GIGYF2: variants seen among roughly 807,000 people sequenced by gnomAD.
The protein encoded by GIGYF2 is GRB10 interacting GYF protein 2, also known as GRB10-interacting GYF protein 2.
GIGYF2 carries 25 observed loss-of-function variants against 208.1 expected under a neutral mutation model. That is an observed-to-expected ratio of 0.12 (90% CI 0.09 to 0.17). The LOEUF (loss-of-function observed/expected upper bound fraction) is 0.17. GIGYF2 is among the 10% of genes least tolerant of loss of function. The pLI is 1.00. For synonymous variants in GIGYF2, 534 were observed against 543.8 expected (o/e 0.98, Z 0.25); for missense variants, 1,302 against 1,579.4 (o/e 0.82, Z 2.98).
intron 2 of GIGYF2, among the ~76,000 whole-genome samples, chr2:232,734,657 G>T (rs1002617537): frequency 6.6e-6 from 1 of 152,140 alleles, no homozygotes; most frequent in Non-Finnish European, 1.5e-5. Flanking sequence ...AATCACTAGG[G>T]TGTAAAGTGC....
At chr2:232,838,609 C>T (rs931802956) in intron 22 of GIGYF2, among the ~76,000 whole-genome samples, 2 of 152,172 alleles carry the variant, frequency 1.3e-5, no homozygotes, top group Admixed American at 1.3e-4. Flanking sequence ...TTCTGATCTT[C>T]TGATTGATTA....
At chr2:232,756,199 T>C (rs760910857) in intron 5 of GIGYF2, 24 bp from the exon 6 acceptor site, 557 of 492,674 alleles carry the variant, frequency 1.1e-3, no homozygotes, top group East Asian at 2.8e-3. Context: ...CTTTTTCTCT[T>C]TTTTTTTTTT....
intron 2 of GIGYF2, among the ~76,000 whole-genome samples, chr2:232,714,376 A>G (rs573051345): frequency 2.0e-5 from 3 of 152,268 alleles, no homozygotes; most frequent in African/African-American, 7.2e-5. Context: ...AGTTTTAGCT[A>G]AAACTTTAAC....
At chr2:232,778,181 T>C (rs1699591751) in intron 8 of GIGYF2, among the ~76,000 whole-genome samples, 1 of 152,066 alleles carries the variant, frequency 6.6e-6, no homozygotes, top group Non-Finnish European at 1.5e-5. Context: ...AGCTGTCCTC[T>C]CAATTCAGCC....
intron 2 of GIGYF2, among the ~76,000 whole-genome samples, chr2:232,716,374 GTTTTTTT>G (rs397988241): frequency 3.0e-5 from 3 of 100,262 alleles, no homozygotes; most frequent in East Asian, 2.9e-4. Flanking sequence ...GGTGTTATTT[GTTTTTTT>G]TTTTTTTTTT....
At chr2:232,737,907 CTTTTTTTT>C (rs11320395) in intron 3 of GIGYF2, among the ~76,000 whole-genome samples, 1 of 85,218 alleles carries the variant, frequency 1.2e-5, no homozygotes, top group Non-Finnish European at 2.2e-5. Flanking sequence ...TAAGCTTTAA[CTTTTTTTT>C]TTTTTTTTTT....
In GIGYF2 at chr2:232,748,968, C is replaced by T; in HGVS notation, c.172-19C>T. 1.8e-6 allele frequency: 2 copies of T among 1,106,064 alleles called. No individual in the cohort carries two copies. The highest frequency in any genetic ancestry group is 2.5e-5 in the South Asian group (2 of 80,724). 68.5% of individuals were successfully genotyped at this position (1,106,064 alleles called of 1,614,324 possible). On this transcript the variant is annotated intron_variant, in intron 4 of 28. Transcript: ENST00000373563. ...GCAGAAATAGCATTAATCTCATAAT[C>T]ATGTGTTTGGTCCTACAGATACCTT... is the stretch of plus-strand genomic sequence containing the variant.
At chr2:232,771,251 G>C (rs776091698) in intron 8 of GIGYF2, 10 of 1,609,226 alleles carry the variant, frequency 6.2e-6, no homozygotes, top group Non-Finnish European at 8.5e-6. Context: ...AGATATGCAA[G>C]ACCTCTTTGA....
At chr2:232,762,502 C>T (rs1017160250) in intron 8 of GIGYF2, among the ~76,000 whole-genome samples, 7 of 152,062 alleles carry the variant, frequency 4.6e-5, no homozygotes, top group Non-Finnish European at 7.4e-5. Context: ...CCACCCGCCT[C>T]AGCCTCCCAA....
Position 232,847,493 on chromosome 2 carries a change from G to T in GIGYF2, c.3606G>T (p.Gln1202His). Residue 1202 changes from glutamine (Q) to histidine (H), a missense_variant, in exon 27 of 29, where the codon CAG (glutamine) becomes CAT (histidine). Gln to His is a conservative substitution (Grantham distance 24, BLOSUM62 0). Coordinates refer to ENST00000373563, the MANE Select transcript of GIGYF2 (RefSeq NM_001103146.3). ...GCCGTGCCAAACAGAAAGCCAACCA[G>T]CAGCGTCAGCAGCAGCAGCTGCCAC... The part of the protein sequence containing the change: ...LERRAKQKAN[Q>H]QRQQQQLPQQ... 6.3e-7 allele frequency: 1 copy of T among 1,596,488 alleles called. No individual in the cohort carries two copies. The highest frequency in any genetic ancestry group is 1.4e-5 in the African/African-American group (1 of 70,374).
At chr2:232,851,148 A>G (rs1690301860) in intron 28 of GIGYF2, among the ~76,000 whole-genome samples, 1 of 152,112 alleles carries the variant, frequency 6.6e-6, no homozygotes, top group East Asian at 1.9e-4. Flanking sequence ...TAGCGAGACC[A>G]TATCTCTAAA....
intron 1 of GIGYF2, chr2:232,700,557 A>T (rs557543523): frequency 5.3e-4 from 81 of 152,242 alleles, no homozygotes; most frequent in African/African-American, 1.9e-3. Flanking sequence ...AATTTCCCAT[A>T]CTTTCTGTTT....
rs1266657997 is a variant in GIGYF2 at position 232,857,113 on chromosome 2, C to G, written c.*253C>G. 2 of 559,512 alleles carry G rather than the reference C, an allele frequency of 3.6e-6. No individual in the cohort carries two copies. Among genetic ancestry groups the G allele is most frequent in the Non-Finnish European group, 6.4e-6 (2 of 311,504 alleles). 34.7% of individuals were successfully genotyped at this position (559,512 alleles called of 1,614,324 possible). A position where few individuals can be genotyped will look rare whatever the true frequency, so the allele number is the denominator to read the frequency against. On this transcript the variant is annotated 3_prime_UTR_variant, in exon 29 of 29. Transcript: ENST00000373563. Reference sequence around the variant, plus strand: ...GGTGGCAGTTGGGATTACTCCCCAACAAGGCTGATTTTAGGCAGCATGTGT... The same window carrying G: ...GGTGGCAGTTGGGATTACTCCCCAAGAAGGCTGATTTTAGGCAGCATGTGT...
chr2:232,796,343 C>T lies in GIGYF2; in HGVS notation c.1639+122C>T, dbSNP rs1700222788. On this transcript the variant is annotated intron_variant, in intron 14 of 28. Transcript: ENST00000373563. Reference sequence around the variant, plus strand: ...AGAAGTCAACAAGCACACACGCGCGCACACACGCAGACTAGAAGTGTTTCT... The same window carrying T: ...AGAAGTCAACAAGCACACACGCGCGTACACACGCAGACTAGAAGTGTTTCT... 4.1e-6 allele frequency: 3 copies of T among 736,884 alleles called. No individual in the cohort carries two copies. In the African/African-American group the frequency reaches 5.2e-5, roughly 13 times the overall value. The allele number at this position is 736,884 out of a possible 1,614,324, so 45.6% of individuals were successfully genotyped here. A position where few individuals can be genotyped will look rare whatever the true frequency, so the allele number is the denominator to read the frequency against.
rs1410366075 is a variant in GIGYF2, at chr2:232,858,649, C to T, written c.*1789C>T. On this transcript the variant is annotated 3_prime_UTR_variant, in exon 29 of 29. Transcript: ENST00000373563. The stretch of plus-strand genomic sequence containing the variant: ...TCTATCTGAGTGCACCTCTTGTACT[C>T]ACCTTTATGGAGGCTGAGTTCTGCA... 6 of 440,726 alleles carry T rather than the reference C, an allele frequency of 1.4e-5. No homozygotes were observed. Among genetic ancestry groups the T allele is most frequent in the Admixed American group, 1.0e-4 (4 of 39,782 alleles). The allele number at this position is 440,726 out of a possible 1,614,324, so 27.3% of individuals were successfully genotyped here. A position where few individuals can be genotyped will look rare whatever the true frequency, so the allele number is the denominator to read the frequency against.
intron 23 of GIGYF2, among the ~76,000 whole-genome samples, chr2:232,841,470 T>A (rs1317119964): frequency 1.7e-4 from 3 of 17,344 alleles, no homozygotes; most frequent in South Asian, 5.3e-4. Context: ...TATTTTTTTT[T>A]TTTTTTTTTT....
At position 232,791,008 on chromosome 2, in the gene GIGYF2, A is replaced by G; in HGVS notation, c.931A>G (p.Lys311Glu). 1.2e-6 allele frequency: 2 copies of G among 1,613,894 alleles called. No individual in the cohort carries two copies. The highest frequency in any genetic ancestry group is 2.2e-5 in the East Asian group (1 of 44,866). Reference protein sequence around the residue: ...DSSGAFLSLKKVQKEPIPEEQ... With the variant: ...DSSGAFLSLKEVQKEPIPEEQ... ...CTTTGGTTTTATTCTCTTTCTACAGAAAGTACAGAAAGAGCCTATTCCAGA... is the reference window on the plus strand; with the variant it reads ...CTTTGGTTTTATTCTCTTTCTACAGGAAGTACAGAAAGAGCCTATTCCAGA... The change falls in exon 11 of 29, where the codon AAA becomes GAA. Residue 311 changes from lysine to glutamate, a missense_variant and splice_region_variant. By Grantham distance (56) the Lys-to-Glu change is moderately conservative. Around this residue, in one of 8 missense-constraint regions of GIGYF2, gnomAD observed 235 missense variants for 218.8 expected, o/e 1.07. Coordinates refer to ENST00000373563, the MANE Select transcript of GIGYF2 (RefSeq NM_001103146.3).
chr2:232,756,398 A>G (rs1698543543), intron 6 of GIGYF2, 64 bp downstream of exon 6: 2 of 776,968 alleles, frequency 2.6e-6, no homozygotes, highest in African/African-American at 3.5e-5. Flanking sequence ...ACTTACTTTT[A>G]AAATATTTTA....
chr2:232,735,987 C>T, intron 3 of GIGYF2: 1 of 983,086 alleles, frequency 1.0e-6, no homozygotes, highest in Non-Finnish European at 1.2e-6. Flanking sequence ...GGATTTGTGT[C>T]TTAAACTCTT....
Sources: allele counts gnomAD v4.1 joint callset (sites outside exome capture counted in the v4.1 genomes callset), GRCh38; gene constraint gnomAD v4.1.1; regional missense constraint gnomAD v4.1.1; transcripts MANE v1.5; gene names NCBI Gene and HGNC (gene_info 2026-07-23, HGNC 2026-07-21).